WBP1L: variants seen among roughly 807,000 people sequenced by gnomAD.
WBP1L encodes WW domain binding protein 1 like.
Under a neutral mutation model 33.7 loss-of-function variants are expected in WBP1L, and 17 were observed. That is an observed-to-expected ratio of 0.50 (90% CI 0.34 to 0.76). The LOEUF (loss-of-function observed/expected upper bound fraction) is 0.76, where lower values mean the gene tolerates loss of function less well. Ranked by LOEUF, WBP1L falls within the 30% of genes least tolerant of loss-of-function variation. The pLI is 0.01. For synonymous variants in WBP1L, 173 were observed against 190.8 expected (o/e 0.91, Z 0.77); for missense variants, 389 against 469.4 (o/e 0.83, Z 1.58).
chr10:102,787,351 G>T (rs952805846), intron 1 of WBP1L, among the ~76,000 whole-genome samples: 1 of 152,350 alleles, frequency 6.6e-6, no homozygotes, highest in African/African-American at 2.4e-5. Flanking sequence ...ACTGTTGGAG[G>T]CTGAGGCAGG....
At chr10:102,745,253 T>C (rs942397555) in intron 1 of WBP1L, among the ~76,000 whole-genome samples, 2 of 152,252 alleles carry the variant, frequency 1.3e-5, no homozygotes, top group Non-Finnish European at 2.9e-5. Context: ...TTTTCACAAA[T>C]ACATCTTGTT....
intron 1 of WBP1L, among the ~76,000 whole-genome samples, chr10:102,791,062 G>A (rs1349654081): frequency 6.6e-6 from 1 of 152,098 alleles, no homozygotes; most frequent in African/African-American, 2.4e-5. Flanking sequence ...GTGCCAGTGG[G>A]CTAATGTTTT....
intron 1 of WBP1L, among the ~76,000 whole-genome samples, chr10:102,773,734 A>G (rs937047029): frequency 2.0e-5 from 3 of 152,108 alleles, no homozygotes; most frequent in African/African-American, 7.2e-5. Context: ...AATAAAAATT[A>G]AAAAAACTTA....
intron 1 of WBP1L, among the ~76,000 whole-genome samples, chr10:102,755,566 A>G (rs374723647): frequency 1.7e-4 from 26 of 150,358 alleles, no homozygotes; most frequent in African/African-American, 5.1e-4. Context: ...TAATTTTTGT[A>G]TTTTTATTAG....
At chr10:102,797,700 G>T (rs574255389) in intron 1 of WBP1L, among the ~76,000 whole-genome samples, 37 of 151,958 alleles carry the variant, frequency 2.4e-4, no homozygotes, top group African/African-American at 8.4e-4. Flanking sequence ...TTACAGGCGC[G>T]CACCACCACG....
intron 1 of WBP1L, among the ~76,000 whole-genome samples, chr10:102,791,940 G>C (rs950519098): frequency 1.3e-5 from 2 of 152,172 alleles, no homozygotes; most frequent in African/African-American, 4.8e-5. Flanking sequence ...TTTTTACGCT[G>C]ATTAAATTGA....
At chr10:102,777,490 C>T (rs971851574) in intron 1 of WBP1L, among the ~76,000 whole-genome samples, 1 of 149,750 alleles carries the variant, frequency 6.7e-6, no homozygotes, top group Non-Finnish European at 1.5e-5. Flanking sequence ...CAGAGTGTTG[C>T]GTTGACACAG....
intron 1 of WBP1L, among the ~76,000 whole-genome samples, chr10:102,787,791 A>G (rs1015668635): frequency 4.6e-5 from 7 of 152,010 alleles, no homozygotes; most frequent in Admixed American, 1.3e-4. Flanking sequence ...TAAAAAACCA[A>G]TAGTGGTCAG....
chr10:102,774,036 G>A (rs560671553), intron 1 of WBP1L, among the ~76,000 whole-genome samples: 1 of 152,290 alleles, frequency 6.6e-6, no homozygotes, highest in East Asian at 1.9e-4. Flanking sequence ...TTATGCCATG[G>A]CACTCTTTCT....
At position 102,804,419 on chromosome 10, in the gene WBP1L, T is replaced by A. The variant is rs549155780; in HGVS notation, c.194-5474T>A. Among the ~76,000 whole-genome samples, 849 of 138,130 alleles carry A rather than the reference T, an allele frequency of 6.1e-3. 2 individuals are homozygous for A. The highest frequency in any genetic ancestry group is 0.011 in the Middle Eastern group (3 of 266). The allele number at this position is 138,130 out of a possible 152,430, so 90.6% of individuals were successfully genotyped here. ...AAAAAAAAAAAAGCCCTTTTTTTTT[T>A]AAAAAAAAAATTATACTTCTGGTTC... is the stretch of plus-strand genomic sequence containing the variant. On this transcript the variant is annotated intron_variant, in intron 2 of 3. Transcript: ENST00000448841.
At chr10:102,753,704 G>A (rs1366049800) in intron 1 of WBP1L, among the ~76,000 whole-genome samples, 1 of 152,156 alleles carries the variant, frequency 6.6e-6, no homozygotes, top group Admixed American at 6.5e-5. Context: ...TCTTCACAGT[G>A]CCAAAGCTAA....
chr10:102,800,567 T>C (rs1429986724), intron 2 of WBP1L, among the ~76,000 whole-genome samples: 1 of 152,216 alleles, frequency 6.6e-6, no homozygotes, highest in Non-Finnish European at 1.5e-5. Flanking sequence ...CAGAGAGCAG[T>C]GTCTAGACGG....
intron 2 of WBP1L, among the ~76,000 whole-genome samples, chr10:102,809,656 C>T (rs1444293070): frequency 6.6e-6 from 1 of 152,232 alleles, no homozygotes; most frequent in African/African-American, 2.4e-5. Context: ...GCCACCACGC[C>T]CGGCCTGTTG....
At chr10:102,766,428 C>T (rs544576442) in intron 1 of WBP1L, among the ~76,000 whole-genome samples, 60 of 98,106 alleles carry the variant, frequency 6.1e-4, no homozygotes, top group African/African-American at 2.3e-3. Flanking sequence ...GCAACAAGAG[C>T]GAAACTCTGT....
intron 1 of WBP1L, among the ~76,000 whole-genome samples, chr10:102,780,894 C>G (rs921237921): frequency 1.3e-5 from 2 of 152,176 alleles, no homozygotes; most frequent in Admixed American, 1.3e-4. Context: ...AATTTTACAT[C>G]TTGCACCTTG....
intron 1 of WBP1L, among the ~76,000 whole-genome samples, chr10:102,756,364 C>T (rs546339306): frequency 2.5e-4 from 38 of 152,152 alleles, no homozygotes; most frequent in African/African-American, 7.2e-4. Flanking sequence ...GAGCCAAGAT[C>T]GTGCCTCCAT....
rs755455232 is a variant in WBP1L, at chr10:102,808,788, G to T, written c.194-1105G>T. On this transcript the variant is annotated intron_variant, in intron 2 of 3. Transcript: ENST00000448841. ...CCTGATTTTTTTGATGCTATCAGGAGAATCATAAGACTTCTTTTGTCAGGG... is the reference window on the plus strand; with the variant it reads ...CCTGATTTTTTTGATGCTATCAGGATAATCATAAGACTTCTTTTGTCAGGG... Among the ~76,000 whole-genome samples, 4 of 152,340 alleles carry T rather than the reference G, an allele frequency of 2.6e-5. No homozygotes were observed. In the South Asian group the frequency reaches 6.2e-4, roughly 24 times the overall value.
rs80298118 is a variant in WBP1L at position 102,811,222 on chromosome 10, G to A, written c.355+1168G>A. Among the ~76,000 whole-genome samples the A allele has an allele frequency of 2.4e-3, 363 of 152,114 alleles. 4 individuals are homozygous for A. The highest frequency in any genetic ancestry group is 8.1e-3 in the African/African-American group (335 of 41,488). ...AGGTCAGGAGTCAGTTATAACGTGA[G>A]TGAATTGAGACTTGGGGTTCATTGG... On this transcript the variant is annotated intron_variant, in intron 3 of 3. Transcript: ENST00000448841.
intron 1 of WBP1L, among the ~76,000 whole-genome samples, chr10:102,788,606 C>A (rs1590183683): frequency 6.6e-6 from 1 of 152,110 alleles, no homozygotes; most frequent in South Asian, 2.1e-4. Flanking sequence ...CTTATTTAGC[C>A]ATTTCAAATG....
Sources: allele counts gnomAD v4.1 joint callset (sites outside exome capture counted in the v4.1 genomes callset), GRCh38; gene constraint gnomAD v4.1.1; transcripts MANE v1.5; gene names NCBI Gene and HGNC (gene_info 2026-07-23, HGNC 2026-07-21).